Variants in KLC1 observed in about 807,000 individuals in gnomAD.
The protein encoded by KLC1 is kinesin 2 60/70kDa.
A neutral mutation model predicts 84.2 loss-of-function variants in KLC1; 30 were observed. That is an observed-to-expected ratio of 0.36 (90% CI 0.27 to 0.48). The LOEUF is 0.48. KLC1 is among the 20% of genes least tolerant of loss of function. KLC1 has a pLI of 0.99. For synonymous variants in KLC1, 289 were observed against 293.3 expected (o/e 0.99, Z 0.15); for missense variants, 499 against 805.4 (o/e 0.62, Z 4.60).
intron 13 of KLC1, chr14:103,686,173 A>G (rs1328460566): frequency 8.1e-6 from 8 of 987,984 alleles, no homozygotes; most frequent in Admixed American, 5.9e-5. Flanking sequence ...TGAAGTGCTC[A>G]GTGATTTGTG....
chr14:103,693,689 C>G lies in KLC1; in HGVS notation c.1848+1264C>G. On this transcript the variant is annotated intron_variant, in intron 15 of 16. Transcript: ENST00000334553. This position sits in a 1 kb window ranked among gnomAD's most constrained non-coding sequence, Gnocchi z 5.1. Reference sequence around the variant, plus strand: ...CCGCCCTGCCACGCCCCTCACCGCCCTGCCCGGAGGCGCCAGCCGCACTCC... The same window carrying G: ...CCGCCCTGCCACGCCCCTCACCGCCGTGCCCGGAGGCGCCAGCCGCACTCC... The G allele has an allele frequency of 9.2e-6, 14 of 1,518,106 alleles. No individual in the cohort carries two copies. Among genetic ancestry groups the G allele is most frequent in the Non-Finnish European group, 1.2e-5 (14 of 1,136,380 alleles). The allele number at this position is 1,518,106 out of a possible 1,614,324, so 94.0% of individuals were successfully genotyped here.
At position 103,698,569 on chromosome 14, in the gene KLC1, C is replaced by A. The variant is rs1266862997; in HGVS notation, c.1849-2086C>A. On this transcript the variant is annotated intron_variant, in intron 15 of 16. Coordinates refer to ENST00000334553, the MANE Select transcript of KLC1 (RefSeq NM_001394837.1). ...TCAGCAGTGGGGACCAGGTACCCAGCAAGCGGGCCTGTCCCCAGACCCAGG... is the reference window on the plus strand; with the variant it reads ...TCAGCAGTGGGGACCAGGTACCCAGAAAGCGGGCCTGTCCCCAGACCCAGG... 6 of 578,908 alleles carry A rather than the reference C, an allele frequency of 1.0e-5. No individual in the cohort carries two copies. The African/African-American group carries it at 1.1e-4, about 11-fold the overall frequency. 35.9% of individuals were successfully genotyped at this position (578,908 alleles called of 1,614,324 possible). A position where few individuals can be genotyped will look rare whatever the true frequency, so the allele number is the denominator to read the frequency against.
chr14:103,696,385 T>C (rs919122527), intron 15 of KLC1: 6 of 985,300 alleles, frequency 6.1e-6, no homozygotes, highest in Non-Finnish European at 7.2e-6. Flanking sequence ...TTCACATCGT[T>C]GTTTTCTGGA....
chr14:103,698,368 C>T, intron 15 of KLC1: 1 of 243,786 alleles, frequency 4.1e-6, no homozygotes, highest in South Asian at 4.9e-5. Flanking sequence ...GAGGGGAGAC[C>T]CTCGTGGGCA....
intron 4 of KLC1, 109 bp from the exon 5 acceptor site, chr14:103,662,593 G>A: frequency 1.2e-6 from 1 of 835,498 alleles, no homozygotes. Flanking sequence ...ATAGCACTGG[G>A]GGCCAAGTAC....
At position 103,679,596 on chromosome 14, in the gene KLC1, C is replaced by T. The variant is rs375454291; in HGVS notation, c.1650+51C>T. 4.3e-4 allele frequency: 610 copies of T among 1,432,082 alleles called. 2 individuals are homozygous for T. The highest frequency in any genetic ancestry group is 1.4e-4 in the Admixed American group (8 of 57,316). The allele number at this position is 1,432,082 out of a possible 1,614,324, so 88.7% of individuals were successfully genotyped here. On this transcript the variant is annotated intron_variant, in intron 13 of 16. Coordinates refer to ENST00000334553, the MANE Select transcript of KLC1 (RefSeq NM_001394837.1). ...TGCTCCGGGAGGCGCCCCCAAGTGG[C>T]GCTTGCCAGGCCTTCCTCCTGTCTC...
chr14:103,697,136 T>G (rs1020146025), intron 15 of KLC1: 2 of 984,696 alleles, frequency 2.0e-6, no homozygotes, highest in Non-Finnish European at 2.4e-6. Context: ...AAATAAAATG[T>G]CTTACTTGCC....
At chr14:103,669,683 C>T (rs2080215365) in intron 6 of KLC1, 85 bp downstream of exon 6, 1 of 965,742 alleles carries the variant, frequency 1.0e-6, no homozygotes, top group Non-Finnish European at 1.6e-6. Context: ...CCATTAAACT[C>T]AACAGGGAAA....
At position 103,685,849 on chromosome 14, in the gene KLC1, T is replaced by C. The variant is rs559381956; in HGVS notation, c.1651-1232T>C. On this transcript the variant is annotated intron_variant, in intron 13 of 16. Coordinates refer to ENST00000334553, the MANE Select transcript of KLC1 (RefSeq NM_001394837.1). The stretch of plus-strand genomic sequence containing the variant: ...TGTATACATGTAGCTTTGCCAGATA[T>C]GTACTTAGTAATATAAACTGTATTA... The C allele has an allele frequency of 1.6e-5, 19 of 1,177,748 alleles. 1 individual carries two copies. In the South Asian group the frequency reaches 2.3e-4, roughly 14 times the overall value. The allele number at this position is 1,177,748 out of a possible 1,614,324, so 73.0% of individuals were successfully genotyped here.
chr14:103,679,247 A>G (rs878861334), intron 12 of KLC1, 137 bp from the exon 13 acceptor site: 2 of 1,177,852 alleles, frequency 1.7e-6, no homozygotes, highest in South Asian at 1.5e-5. Context: ...CCCTCCAAGG[A>G]ACCACTCTTC....
At position 103,658,701 on chromosome 14, in the gene KLC1, A is replaced by G. The variant is rs531341248; in HGVS notation, c.492+925A>G. On this transcript the variant is annotated intron_variant, in intron 3 of 16. Coordinates refer to ENST00000334553, the MANE Select transcript of KLC1 (RefSeq NM_001394837.1). ...GAGATGGAGTCTCACTCTGTCACCC[A>G]GGCTGGAGTGCAGTGGCACGATCTT... Among the ~76,000 whole-genome samples, 177 of 128,704 alleles carry G rather than the reference A, an allele frequency of 1.4e-3. 1 individual carries two copies. The highest frequency in any genetic ancestry group is 5.0e-3 in the African/African-American group (166 of 32,996). The allele number at this position is 128,704 out of a possible 152,430, so 84.4% of individuals were successfully genotyped here.
At chr14:103,682,349 G>A (rs1033878798) in intron 13 of KLC1, 29 of 150,278 alleles carry the variant, frequency 1.9e-4, no homozygotes, top group African/African-American at 6.7e-4. Flanking sequence ...CAGCCTGGGT[G>A]ACAGAGCAAG....
intron 5 of KLC1, among the ~76,000 whole-genome samples, chr14:103,663,603 C>T (rs768028462): frequency 5.3e-5 from 8 of 152,310 alleles, no homozygotes; most frequent in East Asian, 1.9e-4. Flanking sequence ...AGGCCTGGTG[C>T]GCTGTGCCTC....
chr14:103,698,526 C>T, intron 15 of KLC1: 2 of 515,138 alleles, frequency 3.9e-6, no homozygotes, highest in Non-Finnish European at 7.1e-6. Flanking sequence ...TGAGAATCAC[C>T]TCTCCCCAAG....
intron 1 of KLC1, among the ~76,000 whole-genome samples, chr14:103,639,767 ATTATTTTT>A (rs982365673): frequency 1.3e-4 from 19 of 148,146 alleles, no homozygotes; most frequent in African/African-American, 4.0e-4. Context: ...TTTTTATTTT[ATTATTTTT>A]GAGACAGGGT....
At chr14:103,695,115 A>T (rs969304575) in intron 15 of KLC1, 1 of 984,504 alleles carries the variant, frequency 1.0e-6, no homozygotes, top group Non-Finnish European at 1.2e-6. Context: ...AAAATTTCAT[A>T]GGTTCTGTAA....
chr14:103,637,403 A>G (rs917533977), intron 1 of KLC1, among the ~76,000 whole-genome samples: 1 of 151,614 alleles, frequency 6.6e-6, no homozygotes, highest in Admixed American at 6.6e-5. Context: ...GGTGGTGTGC[A>G]CCTGTAGTCC....
At chr14:103,679,704 T>A in intron 13 of KLC1, 159 bp downstream of exon 13, 2 of 581,676 alleles carry the variant, frequency 3.4e-6, no homozygotes, top group Non-Finnish European at 6.2e-6. Flanking sequence ...TACTGAAGTC[T>A]GTTATTTGTT....
intron 1 of KLC1, among the ~76,000 whole-genome samples, chr14:103,636,728 A>G (rs942319739): frequency 6.7e-6 from 1 of 149,948 alleles, no homozygotes; most frequent in Non-Finnish European, 1.5e-5. Context: ...ATATTTATTT[A>G]TTTATTTATT....
Sources: allele counts gnomAD v4.1 joint callset (sites outside exome capture counted in the v4.1 genomes callset), GRCh38; gene constraint gnomAD v4.1.1; non-coding constraint Gnocchi (gnomAD v3.1); transcripts MANE v1.5; gene names NCBI Gene and HGNC (gene_info 2026-07-23, HGNC 2026-07-21).